Variants in SUCLG2 observed in about 807,000 individuals in gnomAD.
The protein encoded by SUCLG2 is succinate-CoA ligase GDP-forming subunit beta, also known as succinate--CoA ligase [GDP-forming] subunit beta, mitochondrial.
SUCLG2 carries 42 observed loss-of-function variants against 47.9 expected under a neutral mutation model. That is an observed-to-expected ratio of 0.88 (90% confidence interval 0.69 to 1.14). The LOEUF (loss-of-function observed/expected upper bound fraction) is 1.14. Among genes scored for constraint, SUCLG2 ranks in the 50% most tolerant of loss-of-function variants. SUCLG2 has a pLI of 0.00. For missense variants in SUCLG2, 571 were observed against 525.9 expected (o/e 1.09, Z -0.84); for synonymous variants, 195 against 197.3 (o/e 0.99, Z 0.10).
chr3:67,639,246 C>T (rs910604152), intron 1 of SUCLG2, among the ~76,000 whole-genome samples: 1 of 152,038 alleles, frequency 6.6e-6, no homozygotes, highest in Non-Finnish European at 1.5e-5. Context: ...TATGGAGGGG[C>T]TCAAATGTGG....
rs1187502985 is a variant in SUCLG2 at position 67,445,846 on chromosome 3, T to C, written c.1063-44995A>G. 1.7e-4 allele frequency among the ~76,000 whole-genome samples: 9 copies of C among 54,056 alleles called. 3 individuals carry two copies. The highest frequency in any genetic ancestry group is 4.9e-4 in the African/African-American group (7 of 14,194). 35.5% of individuals were successfully genotyped at this position (54,056 alleles called of 152,430 possible). A position where few individuals can be genotyped will look rare whatever the true frequency, so the allele number is the denominator to read the frequency against. On this transcript the variant is annotated intron_variant, in intron 9 of 10. Transcript: ENST00000307227. Reference sequence around the variant, plus strand: ...CAGCGACAAGTTCTGTGCTAATGAGTAACTTTCTTCAAAATGGGGTGATTT... The same window carrying C: ...CAGCGACAAGTTCTGTGCTAATGAGCAACTTTCTTCAAAATGGGGTGATTT...
intron 9 of SUCLG2, among the ~76,000 whole-genome samples, chr3:67,492,571 A>T (rs1244058783): frequency 6.6e-6 from 1 of 152,204 alleles, no homozygotes; most frequent in African/African-American, 2.4e-5. Flanking sequence ...GAATTCTTTA[A>T]ATCAAAATGA....
chr3:67,560,639 G>A (rs1378255324), intron 2 of SUCLG2, among the ~76,000 whole-genome samples: 1 of 152,168 alleles, frequency 6.6e-6, no homozygotes, highest in African/African-American at 2.4e-5. Flanking sequence ...CTAGGTAAGT[G>A]TAGGATACCT....
chr3:67,450,084 C>T (rs1039680586), intron 9 of SUCLG2, among the ~76,000 whole-genome samples: 1 of 151,950 alleles, frequency 6.6e-6, no homozygotes, highest in Non-Finnish European at 1.5e-5. Context: ...CTCTGTTGCC[C>T]AGGCTGAAGT....
intron 1 of SUCLG2, among the ~76,000 whole-genome samples, chr3:67,629,397 C>A (rs986630492): frequency 3.3e-5 from 5 of 152,102 alleles, no homozygotes; most frequent in Non-Finnish European, 7.3e-5. Context: ...GTCACTAGAA[C>A]AACTCACAGA....
At chr3:67,444,157 T>G (rs1419008116) in intron 9 of SUCLG2, among the ~76,000 whole-genome samples, 6 of 26,280 alleles carry the variant, frequency 2.3e-4, no homozygotes, top group Non-Finnish European at 2.9e-4. Context: ...GGGAGGGAGG[T>G]GGGGGAGTCA....
chr3:67,637,623 G>A (rs538714873), intron 1 of SUCLG2, among the ~76,000 whole-genome samples: 1 of 152,312 alleles, frequency 6.6e-6, no homozygotes, highest in South Asian at 2.1e-4. Flanking sequence ...AAAGAAAAAA[G>A]CAAGCAAAGG....
rs1330168216 is a variant in SUCLG2 at position 67,646,046 on chromosome 3, A to AT, written c.84+8456dup. Among the ~76,000 whole-genome samples the AT allele has an allele frequency of 3.1e-4, 46 of 146,308 alleles. 1 individual carries two copies. The highest frequency in any genetic ancestry group is 1.1e-3 in the African/African-American group (42 of 39,974). ...TCTATTCAATGCTGTGGGCAAGCCA[A>AT]TCAATGCTGTGGGCACGGGGAAGGG... On this transcript the variant is annotated intron_variant, in intron 1 of 10. Transcript: ENST00000307227.
intron 2 of SUCLG2, among the ~76,000 whole-genome samples, chr3:67,570,571 A>G (rs1335738489): frequency 5.9e-5 from 9 of 152,248 alleles, no homozygotes; most frequent in Admixed American, 5.9e-4. Flanking sequence ...TGTGTTTTAC[A>G]GTGGGGAACA....
chr3:67,371,693 C>A (rs1335190825), downstream of SUCLG2, among the ~76,000 whole-genome samples: 1 of 152,150 alleles, frequency 6.6e-6, no homozygotes, highest in South Asian at 2.1e-4. Flanking sequence ...ATTCAAGAAC[C>A]CAGCTTGCTA....
intron 1 of SUCLG2, among the ~76,000 whole-genome samples, chr3:67,650,529 G>A (rs546236404): frequency 1.2e-4 from 19 of 152,310 alleles, no homozygotes; most frequent in African/African-American, 4.6e-4. Flanking sequence ...GGCTGAAGGG[G>A]GCAGATCACT....
chr3:67,481,808 G>C (rs903291125), intron 9 of SUCLG2, among the ~76,000 whole-genome samples: 1 of 152,206 alleles, frequency 6.6e-6, no homozygotes, highest in Non-Finnish European at 1.5e-5. Context: ...AGCCCCATTG[G>C]AACCAATAGC....
At chr3:67,428,103 C>T (rs1703355163) in intron 9 of SUCLG2, among the ~76,000 whole-genome samples, 1 of 152,138 alleles carries the variant, frequency 6.6e-6, no homozygotes, top group African/African-American at 2.4e-5. Flanking sequence ...GTGGTTCTCC[C>T]AGCACAGAGT....
chr3:67,641,662 ATGTG>A (rs1701102535), intron 1 of SUCLG2, among the ~76,000 whole-genome samples: 2 of 152,322 alleles, frequency 1.3e-5, no homozygotes, highest in African/African-American at 2.4e-5. Flanking sequence ...AAGTTCATTG[ATGTG>A]TGTATTAGTA....
chr3:67,416,469 T>C (rs1575681066), intron 9 of SUCLG2, among the ~76,000 whole-genome samples: 1 of 152,206 alleles, frequency 6.6e-6, no homozygotes, highest in South Asian at 2.1e-4. Context: ...CCCACTATAA[T>C]AATACTGCTT....
At chr3:67,393,750 G>C (rs1304024364) in intron 10 of SUCLG2, among the ~76,000 whole-genome samples, 1 of 152,206 alleles carries the variant, frequency 6.6e-6, no homozygotes, top group Non-Finnish European at 1.5e-5. Flanking sequence ...TGACCCCTGA[G>C]CAGCCTAACT....
At chr3:67,642,292 G>C (rs569683782) in intron 1 of SUCLG2, among the ~76,000 whole-genome samples, 1 of 152,116 alleles carries the variant, frequency 6.6e-6, no homozygotes, top group Non-Finnish European at 1.5e-5. Flanking sequence ...TCTCTGAGCC[G>C]CAGTTTGTTA....
chr3:67,555,569 A>G (rs1707137374), intron 2 of SUCLG2, among the ~76,000 whole-genome samples: 1 of 152,220 alleles, frequency 6.6e-6, no homozygotes, highest in Non-Finnish European at 1.5e-5. Flanking sequence ...AAAAGGGATA[A>G]GTTGACATTG....
intron 2 of SUCLG2, among the ~76,000 whole-genome samples, chr3:67,572,710 A>G (rs1445166936): frequency 3.9e-5 from 6 of 152,176 alleles, no homozygotes; most frequent in Non-Finnish European, 7.4e-5. Context: ...GACAAATATC[A>G]TACTTACTGG....
Sources: gnomAD v4.1 joint callset for allele counts (sites outside exome capture counted in the v4.1 genomes callset) on GRCh38, gnomAD v4.1.1 for gene constraint, MANE v1.5 for transcripts, NCBI Gene and HGNC (gene_info 2026-07-23, HGNC 2026-07-21) for gene names.